The following NCOA2 variants were observed in gnomAD, a reference collection of about 807,000 sequenced individuals.
The protein encoded by NCOA2 is nuclear receptor coactivator 2.
In NCOA2, 21 loss-of-function variants were observed where a neutral mutation model predicts 145.1. That is an observed-to-expected ratio of 0.14 (90% CI 0.10 to 0.21). The LOEUF is 0.21. NCOA2 is among the 10% of genes least tolerant of loss of function. NCOA2 has a pLI of 1.00. For synonymous variants in NCOA2, 619 were observed against 637.5 expected (o/e 0.97, Z 0.44); for missense variants, 1,472 against 1,837.6 (o/e 0.80, Z 3.64).
intron 7 of NCOA2, among the ~76,000 whole-genome samples, chr8:70,166,083 A>G (rs113533800): frequency 0.057 from 8,712 of 152,112 alleles, 838 homozygotes; most frequent in African/African-American, 0.2. Context: ...CAGTCTCCCA[A>G]AGTGCTGGGA....
chr8:70,172,194 G>A (rs1814331445), intron 5 of NCOA2, among the ~76,000 whole-genome samples: 1 of 152,092 alleles, frequency 6.6e-6, no homozygotes, highest in South Asian at 2.1e-4. Flanking sequence ...TCGGCCTCAA[G>A]TGATCCTCCC....
Position 70,176,116 on chromosome 8 carries a change from A to G in NCOA2, c.260-1257T>C, listed in dbSNP as rs187411341. Among the ~76,000 whole-genome samples, 318 of 152,332 alleles carry G rather than the reference A, an allele frequency of 2.1e-3. 1 individual carries two copies. Among genetic ancestry groups the G allele is most frequent in the Non-Finnish European group, 3.8e-3 (260 of 68,026 alleles). On this transcript the variant is annotated intron_variant, in intron 4 of 22. Transcript: ENST00000452400. ...TCTCCCGTATATCATGGACTGAGCC[A>G]AAGTAAATGGGATGGTATGTGAAAC...
intron 1 of NCOA2, among the ~76,000 whole-genome samples, chr8:70,314,980 G>C (rs529748813): frequency 6.6e-6 from 1 of 152,272 alleles, no homozygotes; most frequent in South Asian, 2.1e-4. Flanking sequence ...ATTTATTTGA[G>C]TGTCCTAAAT....
intron 12 of NCOA2, among the ~76,000 whole-genome samples, chr8:70,147,434 C>T (rs1811225397): frequency 6.6e-6 from 1 of 152,126 alleles, no homozygotes. Context: ...CAGGTATTGG[C>T]TCAAATTGTA....
At chr8:70,208,846 G>C (rs997947596) in intron 4 of NCOA2, among the ~76,000 whole-genome samples, 2 of 152,184 alleles carry the variant, frequency 1.3e-5, no homozygotes, top group Admixed American at 6.5e-5. Context: ...AGTCACCCAA[G>C]AGCTGTGATG....
intron 11 of NCOA2, 99 bp from the exon 12 acceptor site, chr8:70,148,582 G>C: frequency 9.6e-7 from 1 of 1,044,026 alleles, no homozygotes; most frequent in Non-Finnish European, 1.4e-6. Flanking sequence ...AGGCACCACA[G>C]CCAAATAAAA....
chr8:70,433,192 T>C, the NCOA2 span, among the ~76,000 whole-genome samples: 7 of 152,236 alleles, frequency 4.6e-5, no homozygotes, highest in Admixed American at 2.0e-4. Flanking sequence ...ATAATTCTAT[T>C]TCCAAGAGAA....
At chr8:70,322,736 G>T (rs1221709322) in intron 1 of NCOA2, among the ~76,000 whole-genome samples, 2 of 152,080 alleles carry the variant, frequency 1.3e-5, no homozygotes, top group African/African-American at 2.4e-5. Context: ...ACAATATATT[G>T]TATGTAAAGT....
chr8:70,413,431 T>C, the NCOA2 span, among the ~76,000 whole-genome samples: 1 of 152,136 alleles, frequency 6.6e-6, no homozygotes, highest in Admixed American at 6.5e-5. Context: ...CTAAAGAACA[T>C]TCAAAGAAAA....
At chr8:70,195,351 T>C (rs976628467) in intron 4 of NCOA2, among the ~76,000 whole-genome samples, 2 of 152,038 alleles carry the variant, frequency 1.3e-5, no homozygotes, top group African/African-American at 4.8e-5. Context: ...AACACTAGAG[T>C]GATGAACAAG....
intron 2 of NCOA2, among the ~76,000 whole-genome samples, chr8:70,275,258 A>G (rs1021890663): frequency 1.3e-5 from 2 of 152,224 alleles, no homozygotes; most frequent in East Asian, 1.9e-4. Flanking sequence ...AATTTCCAGT[A>G]AACTGAAATC....
Position 70,374,639 on chromosome 8 carries a change from C to T in NCOA2, c.-77+29061G>A, listed in dbSNP as rs561181642. Among the ~76,000 whole-genome samples, 27 of 151,716 alleles carry T rather than the reference C, an allele frequency of 1.8e-4. No homozygotes were observed. In the South Asian group the frequency reaches 2.9e-3, roughly 16 times the overall value. On this transcript the variant is annotated intron_variant, in intron 1 of 22. Coordinates refer to ENST00000452400, the MANE Select transcript of NCOA2 (RefSeq NM_006540.4). ...GAAACAAATCCAGACCCCATCTCTA[C>T]GAAAAATTTAAAAATTAGCTGGGGC...
chr8:70,115,276 G>A (rs925280742), intron 22 of NCOA2, among the ~76,000 whole-genome samples: 28 of 152,134 alleles, frequency 1.8e-4, no homozygotes, highest in African/African-American at 6.0e-4. Flanking sequence ...TCAGCCTCCC[G>A]GAGAAGTATT....
Position 70,384,341 on chromosome 8 carries a change from G to C in NCOA2, c.-77+19359C>G, listed in dbSNP as rs577261714. On this transcript the variant is annotated intron_variant, in intron 1 of 22. Transcript: ENST00000452400. ...CTTCGCAAGAGCTTCATTTTTCTGA[G>C]AAAATTATTGTATATTAAGCCACAG... Among the ~76,000 whole-genome samples the C allele has an allele frequency of 4.6e-5, 7 of 151,644 alleles. No individual in the cohort carries two copies. The South Asian group carries it at 1.5e-3, about 32-fold the overall frequency.
At chr8:70,387,562 C>A (rs563375453) in intron 1 of NCOA2, among the ~76,000 whole-genome samples, 1 of 152,158 alleles carries the variant, frequency 6.6e-6, no homozygotes, top group African/African-American at 2.4e-5. Context: ...GCTCCCAACA[C>A]GACTGCAATC....
chr8:70,277,901 A>G (rs561856682), intron 2 of NCOA2, among the ~76,000 whole-genome samples: 4 of 152,314 alleles, frequency 2.6e-5, no homozygotes, highest in Non-Finnish European at 4.4e-5. Context: ...AATAGCTTTA[A>G]TGATATATAA....
Position 70,162,872 on chromosome 8 carries a change from G to A in NCOA2, c.833-18C>T. 6.3e-7 allele frequency: 1 copy of A among 1,578,484 alleles called. No individual in the cohort carries two copies. Among genetic ancestry groups the A allele is most frequent in the Non-Finnish European group, 8.6e-7 (1 of 1,158,770 alleles). On this transcript the variant is annotated intron_variant, in intron 8 of 22. Transcript: ENST00000452400. ...GATCTTGCCTATTAAGTAACAGCAGGCATTATACCTACATGTTGATCTATT... is the reference window on the plus strand; with the variant it reads ...GATCTTGCCTATTAAGTAACAGCAGACATTATACCTACATGTTGATCTATT...
chr8:70,410,206 G>T, the NCOA2 span, among the ~76,000 whole-genome samples: 9 of 151,590 alleles, frequency 5.9e-5, no homozygotes, highest in Non-Finnish European at 1.0e-4. Context: ...TGAGATTCTT[G>T]TCCAAAAAAA....
chr8:70,192,967 TGAGGCAGGA>T (rs1254768559), intron 4 of NCOA2, among the ~76,000 whole-genome samples: 1 of 149,448 alleles, frequency 6.7e-6, no homozygotes, highest in Non-Finnish European at 1.5e-5. Context: ...CTCAGGAGGC[TGAGGCAGGA>T]GAATTGCTTG....
Sources: gnomAD v4.1 joint callset for allele counts (sites outside exome capture counted in the v4.1 genomes callset) on GRCh38, gnomAD v4.1.1 for gene constraint, MANE v1.5 for transcripts, NCBI Gene and HGNC (gene_info 2026-07-23, HGNC 2026-07-21) for gene names.